The following SFXN5 variants were observed in gnomAD, a reference collection of about 807,000 sequenced individuals.
SFXN5 encodes the protein sideroflexin-5.
SFXN5 carries 43 observed loss-of-function variants against 50.2 expected under a neutral mutation model. The ratio of observed to expected loss-of-function variants is 0.86; its 90% CI spans 0.67 to 1.11. The LOEUF is 1.11. Ranked by LOEUF, SFXN5 falls within the 50% of genes least tolerant of loss-of-function variation. SFXN5 has a pLI of 0.00. For missense variants in SFXN5, 463 were observed against 454.1 expected, an observed-to-expected ratio of 1.02 and a Z score of -0.18; for synonymous variants, 203 against 185.8, an observed-to-expected ratio of 1.09 and a Z score of -0.75.
At chr2:72,984,677 G>C (rs1671690411) in intron 10 of SFXN5, among the ~76,000 whole-genome samples, 1 of 152,224 alleles carries the variant, frequency 6.6e-6, no homozygotes, top group Admixed American at 6.5e-5. Flanking sequence ...GGAATATGAG[G>C]GGAGCCGTGC....
intron 10 of SFXN5, among the ~76,000 whole-genome samples, chr2:72,986,287 C>T (rs1574037992): frequency 6.6e-6 from 1 of 152,190 alleles, no homozygotes; most frequent in Non-Finnish European, 1.5e-5. Context: ...GGTGGGGCTG[C>T]CCAGCAATGA....
intron 6 of SFXN5, among the ~76,000 whole-genome samples, chr2:73,015,378 T>C (rs961307515): frequency 4.6e-5 from 7 of 152,244 alleles, no homozygotes; most frequent in African/African-American, 1.4e-4. Flanking sequence ...ACATGTAATT[T>C]CATAAGTGAT....
rs375413970 is a variant in SFXN5 at position 73,020,273 on chromosome 2, G to C, written c.332-9C>G. ...CCCAAAAGGAATATAACCTGTGAACGAGAAGAAAAGAGTCAGGCCTTATAA... is the reference window on the plus strand; with the variant it reads ...CCCAAAAGGAATATAACCTGTGAACCAGAAGAAAAGAGTCAGGCCTTATAA... On this transcript the variant is annotated splice_polypyrimidine_tract_variant and intron_variant, in intron 5 of 13. Coordinates refer to ENST00000272433, the MANE Select transcript of SFXN5 (RefSeq NM_144579.3). 6.2e-6 allele frequency: 10 copies of C among 1,613,796 alleles called. No individual in the cohort carries two copies. The East Asian group carries it at 2.2e-4, about 36-fold the overall frequency.
At chr2:73,008,480 C>T (rs1176928660) in intron 6 of SFXN5, among the ~76,000 whole-genome samples, 1 of 152,114 alleles carries the variant, frequency 6.6e-6, no homozygotes, top group South Asian at 2.1e-4. Context: ...CGAGGCATTC[C>T]GCAGCAGCCA....
chr2:73,057,189 A>G (rs1682258349), intron 2 of SFXN5, among the ~76,000 whole-genome samples: 1 of 152,124 alleles, frequency 6.6e-6, no homozygotes, highest in Non-Finnish European at 1.5e-5. Flanking sequence ...CTCAGGCTGG[A>G]GTGCAGTGGT....
At chr2:72,965,607 C>A (rs560743846) in intron 12 of SFXN5, among the ~76,000 whole-genome samples, 2 of 152,154 alleles carry the variant, frequency 1.3e-5, no homozygotes, top group African/African-American at 2.4e-5. Flanking sequence ...GCCCCACAGC[C>A]TGCCCATCTG....
intron 2 of SFXN5, among the ~76,000 whole-genome samples, chr2:73,041,388 A>G (rs1679603257): frequency 6.6e-6 from 1 of 152,156 alleles, no homozygotes; most frequent in South Asian, 2.1e-4. Context: ...CTTTAATCTT[A>G]ATGTAATGTT....
rs1416280975 is a variant in SFXN5 at position 72,945,406 on chromosome 2, T to C, written c.946-307A>G. 6.6e-6 allele frequency among the ~76,000 whole-genome samples: 1 copy of C among 151,858 alleles called. No individual in the cohort carries two copies. Among genetic ancestry groups the C allele is most frequent in the African/African-American group, 2.4e-5 (1 of 41,330 alleles). The stretch of plus-strand genomic sequence containing the variant: ...GCATCTCCCTCACCCCCAAGAACCA[T>C]GTCCACTGCACTGCAGACCTACCAC... On this transcript the variant is annotated intron_variant, in intron 13 of 13. Transcript: ENST00000272433. The surrounding 1 kb of genome is among the most constrained non-coding windows in gnomAD (Gnocchi z 5.8).
chr2:72,995,739 G>C (rs958079916), intron 9 of SFXN5, among the ~76,000 whole-genome samples: 1 of 152,142 alleles, frequency 6.6e-6, no homozygotes, highest in Non-Finnish European at 1.5e-5. Context: ...TTGAAACAGA[G>C]ATCAGTTAAT....
intron 3 of SFXN5, among the ~76,000 whole-genome samples, chr2:73,028,568 G>A (rs978112398): frequency 3.3e-5 from 5 of 152,188 alleles, no homozygotes; most frequent in Admixed American, 1.3e-4. Context: ...TTTCCAGGAC[G>A]AGAGAAGAAT....
At chr2:73,059,139 G>T in intron 1 of SFXN5, 1 of 986,782 alleles carries the variant, frequency 1.0e-6, no homozygotes, top group Non-Finnish European at 1.2e-6. Flanking sequence ...CTGCTGAAGT[G>T]CAGGACAAGG....
intron 13 of SFXN5, among the ~76,000 whole-genome samples, chr2:72,958,524 T>C (rs1460338111): frequency 1.3e-5 from 2 of 152,160 alleles, no homozygotes; most frequent in Non-Finnish European, 2.9e-5. Context: ...CTGGGTCCCT[T>C]CTCTGTGCAG....
intron 1 of SFXN5, among the ~76,000 whole-genome samples, chr2:73,067,128 A>G (rs10203608): frequency 0.28 from 42,787 of 151,254 alleles, 7,731 homozygotes; most frequent in East Asian, 0.55. Context: ...AAACCCTCCA[A>G]TATCATGTGA....
At chr2:73,029,740 G>T (rs1226564932) in intron 3 of SFXN5, among the ~76,000 whole-genome samples, 3 of 152,136 alleles carry the variant, frequency 2.0e-5, no homozygotes, top group African/African-American at 7.2e-5. Context: ...TTACAAATGT[G>T]GAAACTGAGG....
At chr2:73,022,151 T>C (rs1403628410) in intron 5 of SFXN5, among the ~76,000 whole-genome samples, 2 of 152,062 alleles carry the variant, frequency 1.3e-5, no homozygotes, top group Non-Finnish European at 2.9e-5. Flanking sequence ...AAACAGCAGG[T>C]CACACACCGG....
chr2:73,040,840 T>A lies in SFXN5; in HGVS notation c.249+14A>T, dbSNP rs764999901. 3 of 1,600,554 alleles carry A rather than the reference T, an allele frequency of 1.9e-6. No individual in the cohort carries two copies. The highest frequency in any genetic ancestry group is 2.6e-6 in the Non-Finnish European group (3 of 1,173,768). On this transcript the variant is annotated intron_variant, in intron 3 of 13. Transcript: ENST00000272433. ...CTTCCCCACTGGCCATGCTCCCACCTCCCACAGAGTTACCTGTTCATTGGT... is the reference window on the plus strand; with the variant it reads ...CTTCCCCACTGGCCATGCTCCCACCACCCACAGAGTTACCTGTTCATTGGT...
Position 72,944,727 on chromosome 2 carries a change from C to T in SFXN5, c.*295G>A, listed in dbSNP as rs1336490827. On this transcript the variant is annotated 3_prime_UTR_variant, in exon 14 of 14. Coordinates refer to ENST00000272433, the MANE Select transcript of SFXN5 (RefSeq NM_144579.3). ...GGATTCTACTTCTACCCCATGGGCACTCTACAATTTTTCAGCTTCACACAT... is the reference window on the plus strand; with the variant it reads ...GGATTCTACTTCTACCCCATGGGCATTCTACAATTTTTCAGCTTCACACAT... The T allele has an allele frequency of 2.7e-6, 1 of 368,562 alleles. No individual in the cohort carries two copies. The highest frequency in any genetic ancestry group is 4.9e-6 in the Non-Finnish European group (1 of 204,776). 22.8% of individuals were successfully genotyped at this position (368,562 alleles called of 1,614,324 possible).
intron 2 of SFXN5, among the ~76,000 whole-genome samples, chr2:73,042,332 G>A (rs2105930317): frequency 6.6e-6 from 1 of 152,198 alleles, no homozygotes; most frequent in South Asian, 2.1e-4. Flanking sequence ...AGTAAACTAT[G>A]GGCTGGACAT....
chr2:73,044,070 C>G (rs560565259), intron 2 of SFXN5, among the ~76,000 whole-genome samples: 75 of 152,286 alleles, frequency 4.9e-4, no homozygotes, highest in African/African-American at 1.8e-3. Context: ...TACTTTCCAA[C>G]GCTGAATGGT....
Sources: gnomAD v4.1 joint callset for allele counts (sites outside exome capture counted in the v4.1 genomes callset) on GRCh38, gnomAD v4.1.1 for gene constraint, Gnocchi (gnomAD v3.1) non-coding constraint, MANE v1.5 for transcripts, NCBI Gene and HGNC (gene_info 2026-07-23, HGNC 2026-07-21) for gene names.